CTNND2: variants seen among roughly 807,000 people sequenced by gnomAD.
CTNND2 encodes catenin delta-2.
In CTNND2, 22 loss-of-function variants were observed where a neutral mutation model predicts 144.4. That is an observed-to-expected ratio of 0.15 (90% CI 0.11 to 0.22). CTNND2 has a LOEUF of 0.22. CTNND2 is among the 10% of genes least tolerant of loss of function. CTNND2 has a pLI of 1.00. For missense variants in CTNND2, 1,353 were observed against 1,618.8 expected (o/e 0.84, Z 2.82); for synonymous variants, 751 against 695.6 (o/e 1.08, Z -1.25).
intron 13 of CTNND2, 37 bp downstream of exon 13, chr5:11,117,413 T>C (rs1753663723): frequency 2.0e-6 from 3 of 1,527,790 alleles, no homozygotes; most frequent in Admixed American, 1.7e-5. Context: ...GGAGTCTTTA[T>C]TCTCAAACAT....
intron 2 of CTNND2, among the ~76,000 whole-genome samples, chr5:11,578,319 A>G (rs888848241): frequency 7.2e-5 from 11 of 152,178 alleles, no homozygotes; most frequent in Admixed American, 6.5e-4. Context: ...TATCTTCACA[A>G]TGACCCAATG....
chr5:11,798,094 C>A (rs1018277161), intron 1 of CTNND2, among the ~76,000 whole-genome samples: 1 of 150,844 alleles, frequency 6.6e-6, no homozygotes, highest in South Asian at 2.1e-4. Flanking sequence ...CCCGTCTCTA[C>A]TAAAAATACA....
intron 9 of CTNND2, among the ~76,000 whole-genome samples, chr5:11,313,060 T>C (rs1751152563): frequency 6.6e-6 from 1 of 152,174 alleles, no homozygotes; most frequent in Non-Finnish European, 1.5e-5. Flanking sequence ...GGTGACTTTG[T>C]TTTTCTCTCT....
intron 8 of CTNND2, among the ~76,000 whole-genome samples, chr5:11,361,650 A>G (rs576918658): frequency 2.6e-4 from 40 of 152,354 alleles, no homozygotes; most frequent in African/African-American, 9.1e-4. Context: ...GTTACAAGCT[A>G]GATGCTTCCC....
At chr5:11,611,526 C>T (rs10056332) in intron 2 of CTNND2, among the ~76,000 whole-genome samples, 53,394 of 152,008 alleles carry the variant, frequency 0.35, 10,614 homozygotes, top group Middle Eastern at 0.61. Flanking sequence ...GCCTGTAATC[C>T]TAGCGCTTTA....
chr5:11,107,389 GTTTA>G (rs1446330325), intron 14 of CTNND2, among the ~76,000 whole-genome samples: 1 of 152,180 alleles, frequency 6.6e-6, no homozygotes, highest in Non-Finnish European at 1.5e-5. Context: ...TATGCATGCT[GTTTA>G]TTTAGCCCTA....
intron 1 of CTNND2, among the ~76,000 whole-genome samples, chr5:11,848,083 A>G (rs1272376646): frequency 6.6e-6 from 1 of 152,118 alleles, no homozygotes; most frequent in Non-Finnish European, 1.5e-5. Context: ...CATAATTTTC[A>G]TAGATTTTTC....
intron 12 of CTNND2, among the ~76,000 whole-genome samples, chr5:11,123,381 G>C (rs1439946352): frequency 1.3e-5 from 2 of 152,214 alleles, no homozygotes; most frequent in African/African-American, 4.8e-5. Flanking sequence ...TGTGCCACCA[G>C]GGAATATTTT....
intron 3 of CTNND2, among the ~76,000 whole-genome samples, chr5:11,547,823 G>GT (rs1775376689): frequency 6.6e-6 from 1 of 152,170 alleles, no homozygotes; most frequent in Admixed American, 6.5e-5. Context: ...ACTTTTGAAA[G>GT]TTCTTTTGCA....
intron 2 of CTNND2, among the ~76,000 whole-genome samples, chr5:11,653,408 G>T (rs903499113): frequency 1.3e-5 from 2 of 151,748 alleles, no homozygotes; most frequent in African/African-American, 2.4e-5. Context: ...TTATCATTTG[G>T]CTTTTTTATA....
At chr5:11,489,449 A>G (rs1489616748) in intron 3 of CTNND2, among the ~76,000 whole-genome samples, 1 of 152,168 alleles carries the variant, frequency 6.6e-6, no homozygotes, top group Non-Finnish European at 1.5e-5. Flanking sequence ...GCTGGATTCC[A>G]CAGTTTGCTA....
intron 11 of CTNND2, among the ~76,000 whole-genome samples, chr5:11,184,372 A>G (rs1045653837): frequency 2.0e-5 from 3 of 152,242 alleles, no homozygotes; most frequent in Admixed American, 6.5e-5. Flanking sequence ...AGCCTCAGAA[A>G]ATAAATTTGT....
At chr5:11,250,491 C>CTATATATATATATA (rs1285130441) in intron 9 of CTNND2, among the ~76,000 whole-genome samples, 20 of 64,090 alleles carry the variant, frequency 3.1e-4, no homozygotes, top group African/African-American at 3.4e-4. Context: ...CTCTCTCTCT[C>CTATATATATATATA]TATATATATA....
At chr5:11,022,040 A>G (rs1742311403) in intron 17 of CTNND2, among the ~76,000 whole-genome samples, 1 of 152,182 alleles carries the variant, frequency 6.6e-6, no homozygotes, top group Non-Finnish European at 1.5e-5. Flanking sequence ...GTTGGTTCTT[A>G]AAAACTAGGA....
chr5:11,397,808 A>G (rs1388030003), intron 5 of CTNND2, among the ~76,000 whole-genome samples: 1 of 152,242 alleles, frequency 6.6e-6, no homozygotes, highest in Admixed American at 6.5e-5. Flanking sequence ...GTAGGAGAAC[A>G]AAGAGAACAT....
At chr5:11,243,559 T>C (rs1742672797) in intron 9 of CTNND2, among the ~76,000 whole-genome samples, 1 of 152,192 alleles carries the variant, frequency 6.6e-6, no homozygotes, top group Non-Finnish European at 1.5e-5. Flanking sequence ...TAACTCTCAT[T>C]TGTGACTGGG....
chr5:11,074,007 T>C (rs1164382248), intron 16 of CTNND2, among the ~76,000 whole-genome samples: 1 of 152,220 alleles, frequency 6.6e-6, no homozygotes. Context: ...CAGATCAACG[T>C]AATAAAGTGA....
chr5:11,554,012 C>A (rs886896151), intron 3 of CTNND2, among the ~76,000 whole-genome samples: 3 of 152,086 alleles, frequency 2.0e-5, no homozygotes, highest in Non-Finnish European at 4.4e-5. Flanking sequence ...AAGTATTCAA[C>A]CTTTCTAAGG....
chr5:11,536,256 G>A (rs2150062633), intron 3 of CTNND2, among the ~76,000 whole-genome samples: 1 of 152,012 alleles, frequency 6.6e-6, no homozygotes, highest in South Asian at 2.1e-4. Context: ...TAGAGATAGG[G>A]TCTCCCTATG....
Sources: allele counts gnomAD v4.1 joint callset (sites outside exome capture counted in the v4.1 genomes callset), GRCh38; gene constraint gnomAD v4.1.1; transcripts MANE v1.5; gene names NCBI Gene and HGNC (gene_info 2026-07-23, HGNC 2026-07-21).